MPP3: variants seen among roughly 807,000 people sequenced by gnomAD.
MPP3 encodes MAGUK p55 scaffold protein 3, also known as MAGUK p55 subfamily member 3.
In MPP3, 48 loss-of-function variants were observed where a neutral mutation model predicts 80.7. The ratio of observed to expected loss-of-function variants is 0.59; its 90% CI spans 0.47 to 0.76. The LOEUF (loss-of-function observed/expected upper bound fraction) is 0.76, where lower values mean the gene tolerates loss of function less well. MPP3 is among the 30% of genes least tolerant of loss of function. The pLI is 0.00. For missense variants in MPP3, 620 were observed against 763.0 expected (o/e 0.81, Z 2.21); for synonymous variants, 311 against 297.6 (o/e 1.04, Z -0.46).
intron 13 of MPP3, among the ~76,000 whole-genome samples, 154 bp from the exon 14 acceptor site, chr17:43,816,233 A>G (rs1158337820): frequency 6.6e-6 from 1 of 152,156 alleles, no homozygotes; most frequent in Non-Finnish European, 1.5e-5. Context: ...ACACCCCAAG[A>G]AAGCAAGGTC....
chr17:43,808,906 A>C, intron 19 of MPP3, 50 bp downstream of exon 19: 1 of 1,565,766 alleles, frequency 6.4e-7, no homozygotes, highest in Non-Finnish European at 8.6e-7. Flanking sequence ...GCGTTCCTGT[A>C]ACAGCCTCCC....
Position 43,831,218 on chromosome 17 carries a change from A to G in MPP3, c.222+26T>C, listed in dbSNP as rs920481891. ...CTACAGGGTGGGGAGTGGGGCAGAC[A>G]CTGTAAGGAGAAACCTGGGGCTTAC... On this transcript the variant is annotated intron_variant, in intron 5 of 19. Transcript: ENST00000398389. 5 of 1,611,594 alleles carry G rather than the reference A, an allele frequency of 3.1e-6. No homozygotes were observed. The African/African-American group carries it at 4.0e-5, about 13-fold the overall frequency.
At chr17:43,816,010 C>T in intron 14 of MPP3, 28 bp downstream of exon 14, 2 of 1,479,064 alleles carry the variant, frequency 1.4e-6, no homozygotes, top group African/African-American at 1.5e-5. Context: ...GCAGGTCGTG[C>T]ATGTGGGTGT....
intron 7 of MPP3, among the ~76,000 whole-genome samples, chr17:43,828,697 C>T (rs566547347): frequency 2.6e-4 from 39 of 152,312 alleles, no homozygotes; most frequent in Middle Eastern, 6.8e-3. Flanking sequence ...ATCATCTGTG[C>T]CATCTATTTG....
At chr17:43,830,895 T>A (rs191031660) in intron 5 of MPP3, among the ~76,000 whole-genome samples, 114 of 152,266 alleles carry the variant, frequency 7.5e-4, no homozygotes, top group African/African-American at 2.6e-3. Flanking sequence ...AGACATAATG[T>A]CTTATTGACC....
intron 12 of MPP3, among the ~76,000 whole-genome samples, chr17:43,817,712 T>A (rs1411308526): frequency 6.6e-6 from 1 of 152,206 alleles, no homozygotes; most frequent in Non-Finnish European, 1.5e-5. Context: ...TCTTCCATTT[T>A]CAAGGTCAGA....
chr17:43,816,037 C>A lies in MPP3; in HGVS notation c.1009+1G>T. ...TGTGGGTGTCAGGGGGAGCTACTTA[C>A]CCACATAGTGCCCTTTGAGGTAGCC... On this transcript the variant is annotated splice_donor_variant, in intron 14 of 19. Coordinates refer to ENST00000398389, the MANE Select transcript of MPP3 (RefSeq NM_001932.6). LOFTEE classifies it high-confidence loss of function. 1 of 1,500,610 alleles carries A rather than the reference C, an allele frequency of 6.7e-7. No homozygotes were observed. Among genetic ancestry groups the A allele is most frequent in the Non-Finnish European group, 8.9e-7 (1 of 1,129,918 alleles). The allele number at this position is 1,500,610 out of a possible 1,614,324, so 93.0% of individuals were successfully genotyped here. A position where few individuals can be genotyped will look rare whatever the true frequency, so the allele number is the denominator to read the frequency against.
Position 43,831,329 on chromosome 17 carries a change from G to T in MPP3, c.145-8C>A. ...GCGAAGCTTCTCATGAATCTGCAAA[G>T]ACAGAGTATTTCAGATGCACCCTGG... On this transcript the variant is annotated splice_polypyrimidine_tract_variant and splice_region_variant and intron_variant, in intron 4 of 19. Transcript: ENST00000398389. 1 of 1,613,654 alleles carries T rather than the reference G, an allele frequency of 6.2e-7. No homozygotes were observed. Among genetic ancestry groups the T allele is most frequent in the South Asian group, 1.1e-5 (1 of 91,074 alleles).
Position 43,825,404 on chromosome 17 carries a change from C to T in MPP3, c.609+352G>A, listed in dbSNP as rs1349973330. Reference sequence around the variant, plus strand: ...AACGTTAAAGGAAAGGAAATGGAAACTCAGATGATCTGATGGCTTGTCCAA... The same window carrying T: ...AACGTTAAAGGAAAGGAAATGGAAATTCAGATGATCTGATGGCTTGTCCAA... On this transcript the variant is annotated intron_variant, in intron 9 of 19. Coordinates refer to ENST00000398389, the MANE Select transcript of MPP3 (RefSeq NM_001932.6). 2.0e-5 allele frequency: 4 copies of T among 199,806 alleles called. No homozygotes were observed. In the East Asian group the frequency reaches 3.7e-4, roughly 18 times the overall value. The allele number at this position is 199,806 out of a possible 1,614,324, so 12.4% of individuals were successfully genotyped here.
chr17:43,821,377 CAACTAATCCTGGG>C (rs1055550694), intron 10 of MPP3, among the ~76,000 whole-genome samples: 11 of 152,218 alleles, frequency 7.2e-5, no homozygotes, highest in Non-Finnish European at 1.6e-4. Flanking sequence ...CACACAGCAA[CAACTAATCCTGGG>C]AACAAAAAGT....
intron 7 of MPP3, 86 bp downstream of exon 7, chr17:43,829,568 T>A (rs1167745031): frequency 6.6e-7 from 1 of 1,519,252 alleles, no homozygotes; most frequent in Non-Finnish European, 8.9e-7. Context: ...CTCTGAAGAC[T>A]TCGGGGAGGA....
chr17:43,827,887 C>A, intron 7 of MPP3, 55 bp from the exon 8 acceptor site: 1 of 1,557,436 alleles, frequency 6.4e-7, no homozygotes, highest in Non-Finnish European at 8.8e-7. Flanking sequence ...AACCTCAGAC[C>A]CCTACTCTCT....
intron 8 of MPP3, among the ~76,000 whole-genome samples, chr17:43,826,690 G>A (rs1365007678): frequency 6.6e-6 from 1 of 152,228 alleles, no homozygotes; most frequent in African/African-American, 2.4e-5. Flanking sequence ...TGGTGGGGAA[G>A]GGTGTCAACC....
chr17:43,810,517 C>T (rs185950490), intron 18 of MPP3, among the ~76,000 whole-genome samples: 32 of 152,210 alleles, frequency 2.1e-4, no homozygotes, highest in African/African-American at 7.5e-4. Context: ...GGCCAGTCAG[C>T]GCCACCAACT....
chr17:43,831,893 G>C lies in MPP3; in HGVS notation c.14C>G (p.Ser5Trp), dbSNP rs750356788. 6.2e-7 allele frequency: 1 copy of C among 1,611,614 alleles called. No individual in the cohort carries two copies. The highest frequency in any genetic ancestry group is 8.5e-7 in the Non-Finnish European group (1 of 1,179,278). Residue 5 changes from serine (S) to tryptophan (W), a missense_variant, in exon 3 of 20, where the codon TCG becomes TGG. Physicochemically the swap from Ser to Trp is radical, Grantham distance 177. Transcript: ENST00000398389. Reference protein sequence around the residue: MPVLSEDSGLHETLA... With the variant: MPVLWEDSGLHETLA... ...GGGGAGGTACTTACCAGAGTCCTCC[G>C]ATAGCACTGGCATGCTGGCGTTGTC...
chr17:43,817,097 A>AGGATGGAGCG (rs2045181262), intron 12 of MPP3, among the ~76,000 whole-genome samples: 1 of 152,182 alleles, frequency 6.6e-6, no homozygotes, highest in Non-Finnish European at 1.5e-5. Context: ...CAGATGCCTG[A>AGGATGGAGCG]GGATGGAGCG....
At chr17:43,820,044 C>A (rs1254341340) in intron 11 of MPP3, among the ~76,000 whole-genome samples, 2 of 152,014 alleles carry the variant, frequency 1.3e-5, no homozygotes, top group Admixed American at 6.6e-5. Flanking sequence ...TTTTTGGGCT[C>A]AACTGATCCT....
chr17:43,824,154 T>C, intron 9 of MPP3, 149 bp from the exon 10 acceptor site: 1 of 534,936 alleles, frequency 1.9e-6, no homozygotes, highest in East Asian at 3.4e-5. Context: ...GTGCCCTGGT[T>C]GAATGAACTA....
chr17:43,811,812 C>T (rs1567802318), intron 16 of MPP3, among the ~76,000 whole-genome samples: 1 of 152,048 alleles, frequency 6.6e-6, no homozygotes, highest in Admixed American at 6.6e-5. Flanking sequence ...AGGCTGGTCT[C>T]GAACTCCCGA....
Sources: allele counts gnomAD v4.1 joint callset (sites outside exome capture counted in the v4.1 genomes callset), GRCh38; gene constraint gnomAD v4.1.1; transcripts MANE v1.5; gene names NCBI Gene and HGNC (gene_info 2026-07-23, HGNC 2026-07-21).